PLEKHG2: variants seen among roughly 807,000 people sequenced by gnomAD.
The protein encoded by PLEKHG2 is pleckstrin homology and RhoGEF domain containing G2.
A neutral mutation model predicts 104.4 loss-of-function variants in PLEKHG2; 71 were observed. The observed-to-expected ratio is 0.68, with a 90% CI of 0.56 to 0.83. The LOEUF is 0.83. PLEKHG2 is among the 40% of genes least tolerant of loss of function. The pLI is 0.00. For synonymous variants in PLEKHG2, 728 were observed against 737.0 expected, an observed-to-expected ratio of 0.99 and a Z score of 0.20; for missense variants, 1,730 against 1,809.4, an observed-to-expected ratio of 0.96 and a Z score of 0.80.
In PLEKHG2 at chr19:39,423,225, C is replaced by T. The variant is rs372365865; in HGVS notation, c.2171C>T (p.Pro724Leu). Residue 724 changes from proline (P) to leucine (L), a missense_variant, in exon 18 of 19, where the codon CCG becomes CTG. Physicochemically the swap from Pro to Leu is moderately conservative, Grantham distance 98 (BLOSUM62 -3). Transcript: ENST00000425673. ...AGCAATCCTGGGAAACTGGGAGAGC[C>T]GCCTTCAGGAGGCAAGGCAGGGCCA... ...SGSNPGKLGEPPSGGKAGPEE... is the reference protein window; with the variant it reads ...SGSNPGKLGELPSGGKAGPEE... 184 of 1,612,954 alleles carry T rather than the reference C, an allele frequency of 1.1e-4. No individual in the cohort carries two copies. Among genetic ancestry groups the T allele is most frequent in the Non-Finnish European group, 1.4e-4 (168 of 1,179,180 alleles).
Position 39,422,239 on chromosome 19 carries a change from C to T in PLEKHG2, c.1628C>T (p.Thr543Ile), listed in dbSNP as rs752973036. ...PTLDPSGTSI[T>I]EEILELLNQR... is the part of the protein sequence containing the mutation. ...CTGGACCCCTCTGGGACCTCAATCA[C>T]TGAAGAAATCCTGGAACTGCTGAAT... Residue 543 changes from threonine to isoleucine, a missense_variant, in exon 17 of 19, where the codon ACT becomes ATT. Transcript: ENST00000425673. The T allele has an allele frequency of 4.3e-6, 7 of 1,613,706 alleles. No homozygotes were observed. Among genetic ancestry groups the T allele is most frequent in the South Asian group, 1.1e-5 (1 of 90,994 alleles).
At position 39,428,043 on chromosome 19, in the gene PLEKHG2, A is replaced by C. The variant is rs1481573271; in HGVS notation, c.*2749A>C. The C allele has an allele frequency of 6.6e-6, 1 of 152,144 alleles. No individual in the cohort carries two copies. Among genetic ancestry groups the C allele is most frequent in the African/African-American group, 2.4e-5 (1 of 41,432 alleles). The allele number at this position is 152,144 out of a possible 1,614,324, so 9.4% of individuals were successfully genotyped here. A position where few individuals can be genotyped will look rare whatever the true frequency, so the allele number is the denominator to read the frequency against. The stretch of plus-strand genomic sequence containing the variant: ...GCCAACATGGTGAAATCCCGTCTTT[A>C]CTAAAAATACAAAAAATTAGCTGGG... On this transcript the variant is annotated 3_prime_UTR_variant, in exon 19 of 19. Coordinates refer to ENST00000425673, the MANE Select transcript of PLEKHG2 (RefSeq NM_022835.3).
Position 39,424,796 on chromosome 19 carries a change from A to G in PLEKHG2, c.3663A>G (p.Leu1221=). Residue 1221 remains leucine, a synonymous_variant, in exon 19 of 19, where the codon CTA becomes CTG. Coordinates refer to ENST00000425673, the MANE Select transcript of PLEKHG2 (RefSeq NM_022835.3). The part of the protein sequence containing the change: ...ATPLPERGGS[L]DIQGLSPTPV... ...CTTTACCTGAGAGAGGAGGCTCTCT[A>G]GACATTCAGGGCCTCTCACCCACCC... 3 of 1,614,174 alleles carry G rather than the reference A, an allele frequency of 1.9e-6. No individual in the cohort carries two copies. The African/African-American group carries it at 4.0e-5, about 22-fold the overall frequency.
rs373558459 is a variant in PLEKHG2, at chr19:39,427,118, C to G, written c.*1824C>G. The G allele has an allele frequency of 6.6e-6, 1 of 152,104 alleles. No homozygotes were observed. Among genetic ancestry groups the G allele is most frequent in the Non-Finnish European group, 1.5e-5 (1 of 68,088 alleles). 9.4% of individuals were successfully genotyped at this position (152,104 alleles called of 1,614,324 possible). ...TTGGCTCACTGCAAGCTCCGCTTCC[C>G]GGGTTCACGCCATTCTCCTGCCTCA... On this transcript the variant is annotated 3_prime_UTR_variant, in exon 19 of 19. Transcript: ENST00000425673.
intron 11 of PLEKHG2, among the ~76,000 whole-genome samples, chr19:39,420,104 A>T (rs567941603): frequency 6.6e-6 from 1 of 152,274 alleles, no homozygotes; most frequent in Non-Finnish European, 1.5e-5. Context: ...TCACGCCTGT[A>T]ATCCCAGCAC....
Position 39,425,660 on chromosome 19 carries a change from A to C in PLEKHG2, c.*366A>C. The C allele has an allele frequency of 2.7e-6, 1 of 368,276 alleles. No individual in the cohort carries two copies. The highest frequency in any genetic ancestry group is 4.8e-6 in the Non-Finnish European group (1 of 207,650). The allele number at this position is 368,276 out of a possible 1,614,324, so 22.8% of individuals were successfully genotyped here. ...ATTATTGGAAAATGGACCCACTATA[A>C]CTTGGCGTGTGTGTGAACTGCTTGA... On this transcript the variant is annotated 3_prime_UTR_variant, in exon 19 of 19. Coordinates refer to ENST00000425673, the MANE Select transcript of PLEKHG2 (RefSeq NM_022835.3).
In PLEKHG2 at chr19:39,425,256, A is replaced by G. The variant is rs199999525; in HGVS notation, c.4123A>G (p.Arg1375Gly). The change falls in exon 19 of 19, where the codon AGG (arginine) becomes GGG (glycine). Residue 1375 changes from arginine (R) to glycine (G), a missense_variant. Arg to Gly is a moderately radical substitution (Grantham distance 125). Transcript: ENST00000425673. ...CACACAGGAATCTATGGGCCTTCACAGGGCCCAGGGGGCTCCTGATGCCCC... is the reference window on the plus strand; with the variant it reads ...CACACAGGAATCTATGGGCCTTCACGGGGCCCAGGGGGCTCCTGATGCCCC... ...ASTQESMGLH[R>G]AQGAPDAPFH... 447 of 1,613,466 alleles carry G rather than the reference A, an allele frequency of 2.8e-4. No homozygotes were observed. Among genetic ancestry groups the G allele is most frequent in the Middle Eastern group, 1.7e-3 (10 of 6,060 alleles).
rs201126735 is a variant in PLEKHG2, at chr19:39,417,881, G to A, written c.883-24G>A. 8.5e-4 allele frequency: 1,304 copies of A among 1,529,364 alleles called. 20 individuals are homozygous for A. The South Asian group carries it at 0.015, about 17-fold the overall frequency. 94.7% of individuals were successfully genotyped at this position (1,529,364 alleles called of 1,614,324 possible). ...TACCCATGCTTGTCTCTGCGCCCCG[G>A]CGCACCTGGCGGGGTCCCGGCAGGA... On this transcript the variant is annotated intron_variant, in intron 8 of 18. Transcript: ENST00000425673.
rs775128967 is a variant in PLEKHG2 at position 39,418,958 on chromosome 19, C to G, written c.1218C>G (p.Leu406=). The change falls in exon 11 of 19, where the codon CTC becomes CTG. Residue 406 remains leucine, a synonymous_variant. Coordinates refer to ENST00000425673, the MANE Select transcript of PLEKHG2 (RefSeq NM_022835.3). ...QEEKRLWIHC[L]QRLFFENHPA... is the part of the protein sequence containing the mutation. Reference sequence around the variant, plus strand: ...AGAAGAGGCTGTGGATTCACTGTCTCCAGCGCCTCTTCTTTGAGAACCACC... The same window carrying G: ...AGAAGAGGCTGTGGATTCACTGTCTGCAGCGCCTCTTCTTTGAGAACCACC... The G allele has an allele frequency of 6.2e-7, 1 of 1,613,540 alleles. No homozygotes were observed. The highest frequency in any genetic ancestry group is 1.7e-5 in the Admixed American group (1 of 59,922).
At position 39,416,687 on chromosome 19, in the gene PLEKHG2, T is replaced by C. The variant is rs914146317; in HGVS notation, c.593+90T>C. On this transcript the variant is annotated intron_variant, in intron 6 of 18. Coordinates refer to ENST00000425673, the MANE Select transcript of PLEKHG2 (RefSeq NM_022835.3). The surrounding 1 kb of genome is among the most constrained non-coding windows in gnomAD (Gnocchi z 4.5). ...TCACCCTCCCTCTACCCCCGACCCA[T>C]CCAGCACCGACCCCTGCCAGGCTGT... is the stretch of plus-strand genomic sequence containing the variant. 4 of 1,527,160 alleles carry C rather than the reference T, an allele frequency of 2.6e-6. No individual in the cohort carries two copies. Among genetic ancestry groups the C allele is most frequent in the South Asian group, 1.2e-5 (1 of 86,690 alleles). The allele number at this position is 1,527,160 out of a possible 1,614,324, so 94.6% of individuals were successfully genotyped here.
intron 11 of PLEKHG2, among the ~76,000 whole-genome samples, chr19:39,420,288 G>A (rs753670755): frequency 1.3e-5 from 2 of 152,024 alleles, no homozygotes; most frequent in Non-Finnish European, 2.9e-5. Flanking sequence ...GAACCCAGGA[G>A]GCAGAGGGTG....
At position 39,421,126 on chromosome 19, in the gene PLEKHG2, C is replaced by T. The variant is rs1390416810; in HGVS notation, c.1486+13C>T. The T allele has an allele frequency of 1.2e-6, 2 of 1,613,984 alleles. No homozygotes were observed. Among genetic ancestry groups the T allele is most frequent in the African/African-American group, 2.7e-5 (2 of 74,936 alleles). ...TTCCCACAGAACGGTCAGTGACTGC[C>T]CCGGTTCAGCCTGGTCCATCCCTGT... On this transcript the variant is annotated intron_variant, in intron 15 of 18. Transcript: ENST00000425673.
rs138901691 is a variant in PLEKHG2, at chr19:39,415,781, C to T, written c.479+342C>T. On this transcript the variant is annotated intron_variant, in intron 4 of 18. Coordinates refer to ENST00000425673, the MANE Select transcript of PLEKHG2 (RefSeq NM_022835.3). The surrounding 1 kb of genome is among the most constrained non-coding windows in gnomAD (Gnocchi z 4.6). ...CTGGGACAGGGTCCCGGCATCAGGA[C>T]GAGTCCTTGGGGCTGTGTCAGGTCT... Among the ~76,000 whole-genome samples the T allele has an allele frequency of 6.6e-6, 1 of 152,152 alleles. No individual in the cohort carries two copies. Among genetic ancestry groups the T allele is most frequent in the Non-Finnish European group, 1.5e-5 (1 of 68,018 alleles).
intron 9 of PLEKHG2, 90 bp downstream of exon 9, chr19:39,418,195 G>A (rs1160858978): frequency 6.1e-6 from 7 of 1,149,258 alleles, no homozygotes; most frequent in Non-Finnish European, 7.9e-6. Context: ...GTGGGCCAGG[G>A]GACCCTGCCA....
chr19:39,417,588 A>C lies in PLEKHG2; in HGVS notation c.778A>C (p.Thr260Pro). Reference protein sequence around the residue: ...LGKHWAEGPGTGGREMVEEAI... With the variant: ...LGKHWAEGPGPGGREMVEEAI... ...GAAGCACTGGGCGGAGGGCCCAGGC[A>C]CTGGGGGTCGCGAGATGGTGGAGGA... Residue 260 changes from threonine to proline, a missense_variant, in exon 8 of 19, where the codon ACT becomes CCT. Transcript: ENST00000425673. The C allele has an allele frequency of 1.9e-6, 3 of 1,614,040 alleles. No individual in the cohort carries two copies. Among genetic ancestry groups the C allele is most frequent in the Non-Finnish European group, 2.5e-6 (3 of 1,180,012 alleles).
chr19:39,421,846 G>T (rs976352985), intron 16 of PLEKHG2: 15 of 290,042 alleles, frequency 5.2e-5, no homozygotes, highest in Admixed American at 4.5e-4. Flanking sequence ...GAGAAACCCC[G>T]ACTCTACTAA....
Position 39,425,172 on chromosome 19 carries a change from G to A in PLEKHG2, c.4039G>A (p.Gly1347Arg), listed in dbSNP as rs374916077. 327 of 1,602,254 alleles carry A rather than the reference G, an allele frequency of 2.0e-4. No individual in the cohort carries two copies. Among genetic ancestry groups the A allele is most frequent in the Non-Finnish European group, 2.4e-4 (282 of 1,176,030 alleles). Residue 1347 changes from glycine to arginine, a missense_variant, in exon 19 of 19, where the codon GGG becomes AGG. Transcript: ENST00000425673. The stretch of plus-strand genomic sequence containing the variant: ...GGTTAACATCCACGTGGGCGGGGGT[G>A]GGCGGCTGCGGCCAGCCAAGGCCCA... ...TTVNIHVGGG[G>R]RLRPAKAQVR...
intron 11 of PLEKHG2, among the ~76,000 whole-genome samples, chr19:39,419,834 C>A (rs577323613): frequency 6.6e-6 from 1 of 150,612 alleles, no homozygotes; most frequent in Non-Finnish European, 1.5e-5. Context: ...GCCTAGGTTG[C>A]GTCACTGCGC....
In PLEKHG2 at chr19:39,424,138, C is replaced by T. The variant is rs146014974; in HGVS notation, c.3005C>T (p.Thr1002Ile). The T allele has an allele frequency of 1.7e-4, 273 of 1,614,012 alleles. No individual in the cohort carries two copies. The highest frequency in any genetic ancestry group is 2.2e-4 in the Non-Finnish European group (264 of 1,179,998). ...RSHMVIPAPSTAFCPEQGHCA... is the reference protein window; with the variant it reads ...RSHMVIPAPSIAFCPEQGHCA... ...CACATGGTTATACCAGCTCCATCCA[C>T]CGCCTTTTGTCCTGAGCAGGGACAC... Residue 1002 changes from threonine to isoleucine, a missense_variant, in exon 19 of 19, where the codon ACC becomes ATC. Coordinates refer to ENST00000425673, the MANE Select transcript of PLEKHG2 (RefSeq NM_022835.3).
Sources: allele counts gnomAD v4.1 joint callset (sites outside exome capture counted in the v4.1 genomes callset), GRCh38; gene constraint gnomAD v4.1.1; non-coding constraint Gnocchi (gnomAD v3.1); transcripts MANE v1.5; gene names NCBI Gene and HGNC (gene_info 2026-07-23, HGNC 2026-07-21).